The following CEP170 variants were observed in gnomAD, a reference collection of about 807,000 sequenced individuals.
CEP170 encodes the protein centrosomal protein 170, also known as centrosomal protein of 170 kDa.
CEP170 carries 21 observed loss-of-function variants against 151.9 expected under a neutral mutation model. The observed-to-expected ratio is 0.14, with a 90% CI of 0.10 to 0.20. The LOEUF (loss-of-function observed/expected upper bound fraction) is 0.20, where lower values mean the gene tolerates loss of function less well. Among genes scored for constraint, CEP170 ranks in the 10% least tolerant of loss-of-function variants. The pLI is 1.00. For missense variants in CEP170, 964 were observed against 1,892.9 expected (o/e 0.51, Z 9.11); for synonymous variants, 356 against 648.8 (o/e 0.55, Z 6.86).
chr1:243,213,809 C>T lies in CEP170; in HGVS notation c.196-1845G>A, dbSNP rs548911560. ...CATTCTGAAGCCTCGACCTCCCAGG[C>T]TCAGGTGATTCTCCCACCTCAGCCT... On this transcript the variant is annotated intron_variant, in intron 3 of 19. Coordinates refer to ENST00000366542, the MANE Select transcript of CEP170 (RefSeq NM_014812.3). 1.3e-4 allele frequency among the ~76,000 whole-genome samples: 20 copies of T among 152,288 alleles called. No individual in the cohort carries two copies. In the South Asian group the frequency reaches 4.1e-3, roughly 32 times the overall value.
At chr1:243,166,152 A>G in intron 12 of CEP170, 36 bp from the exon 13 acceptor site, 1 of 1,599,316 alleles carries the variant, frequency 6.3e-7, no homozygotes, top group South Asian at 1.1e-5. Context: ...GAATTGATTA[A>G]GACAAATAAA....
chr1:243,200,497 T>C, intron 6 of CEP170, 21 bp downstream of exon 6: 4 of 1,575,154 alleles, frequency 2.5e-6, no homozygotes, highest in Non-Finnish European at 3.5e-6. Flanking sequence ...AAAGATGGTC[T>C]TTCGAGAGAG....
At chr1:243,173,845 T>C (rs2059038260) in intron 10 of CEP170, among the ~76,000 whole-genome samples, 1 of 152,242 alleles carries the variant, frequency 6.6e-6, no homozygotes, top group African/African-American at 2.4e-5. Flanking sequence ...TCTATTATTT[T>C]TGTGACACTT....
intron 13 of CEP170, among the ~76,000 whole-genome samples, chr1:243,162,567 A>G (rs1311839752): frequency 6.6e-6 from 1 of 152,244 alleles, no homozygotes; most frequent in East Asian, 1.9e-4. Flanking sequence ...GAAGCAGAAA[A>G]TGAAATCTGT....
intron 14 of CEP170, among the ~76,000 whole-genome samples, chr1:243,143,452 T>A (rs936232089): frequency 6.6e-5 from 10 of 152,110 alleles, no homozygotes; most frequent in Non-Finnish European, 1.2e-4. Flanking sequence ...AAGAACTAAA[T>A]AACTGTTACC....
chr1:243,182,703 T>C (rs1468777700), intron 10 of CEP170, among the ~76,000 whole-genome samples: 1 of 152,184 alleles, frequency 6.6e-6, no homozygotes, highest in Non-Finnish European at 1.5e-5. Context: ...TGTGCTCCTG[T>C]GCTTTCGAAT....
At chr1:243,231,946 TTTCTTC>T (rs375351644) in intron 1 of CEP170, among the ~76,000 whole-genome samples, 10 of 151,944 alleles carry the variant, frequency 6.6e-5, no homozygotes, top group Non-Finnish European at 1.2e-4. Context: ...CTCACTGTCT[TTTCTTC>T]TTCTTCTTCT....
chr1:243,212,128 G>C (rs1267226997), intron 3 of CEP170, among the ~76,000 whole-genome samples, 164 bp from the exon 4 acceptor site: 3 of 152,178 alleles, frequency 2.0e-5, no homozygotes, highest in Non-Finnish European at 4.4e-5. Flanking sequence ...GCTGATAAAT[G>C]ATTTTATACT....
chr1:243,203,586 A>G (rs2061202977), intron 4 of CEP170, among the ~76,000 whole-genome samples: 1 of 152,194 alleles, frequency 6.6e-6, no homozygotes, highest in Non-Finnish European at 1.5e-5. Flanking sequence ...TATCTTTCAA[A>G]AATCATGTCA....
chr1:243,148,326 T>C (rs2056732169), intron 14 of CEP170, among the ~76,000 whole-genome samples: 1 of 152,002 alleles, frequency 6.6e-6, no homozygotes, highest in Non-Finnish European at 1.5e-5. Context: ...ATCCTAGCAC[T>C]TTGGGAGGCC....
At chr1:243,205,694 TTATA>T (rs1184314642) in intron 4 of CEP170, among the ~76,000 whole-genome samples, 1 of 152,216 alleles carries the variant, frequency 6.6e-6, no homozygotes, top group Non-Finnish European at 1.5e-5. Flanking sequence ...TCAAAAATAC[TTATA>T]TAAATACTAA....
At chr1:243,183,873 A>G (rs920177611) in intron 10 of CEP170, among the ~76,000 whole-genome samples, 4 of 152,174 alleles carry the variant, frequency 2.6e-5, no homozygotes, top group Non-Finnish European at 5.9e-5. Context: ...GATGCTTATG[A>G]TAATTGTAGG....
At chr1:243,153,313 A>C (rs2148435583) in intron 14 of CEP170, among the ~76,000 whole-genome samples, 1 of 152,326 alleles carries the variant, frequency 6.6e-6, no homozygotes, top group Non-Finnish European at 1.5e-5. Flanking sequence ...GATTCAGAAT[A>C]TTACATAAAC....
intron 1 of CEP170, chr1:243,254,525 C>A (rs1256066946): frequency 6.6e-6 from 1 of 151,900 alleles, no homozygotes; most frequent in Non-Finnish European, 1.5e-5. Flanking sequence ...CCTGACCTCG[C>A]CAACCGCCTC....
At chr1:243,202,202 A>C (rs1357415079) in intron 4 of CEP170, among the ~76,000 whole-genome samples, 4 of 152,176 alleles carry the variant, frequency 2.6e-5, no homozygotes. Context: ...TCAGGAATCA[A>C]AAACCCAAAT....
intron 1 of CEP170, among the ~76,000 whole-genome samples, chr1:243,252,371 A>C (rs1261139461): frequency 6.6e-6 from 1 of 152,180 alleles, no homozygotes; most frequent in Non-Finnish European, 1.5e-5. Context: ...ATTTTTCAGG[A>C]ATACAATTTT....
At chr1:243,134,664 ATT>A (rs774058654) in intron 17 of CEP170, among the ~76,000 whole-genome samples, 48 of 135,630 alleles carry the variant, frequency 3.5e-4, no homozygotes, top group Middle Eastern at 3.8e-3. Context: ...TGCCCAGCCA[ATT>A]TTTTTTTTTT....
chr1:243,187,003 T>C (rs1305838817), intron 8 of CEP170, among the ~76,000 whole-genome samples: 1 of 152,216 alleles, frequency 6.6e-6, no homozygotes, highest in African/African-American at 2.4e-5. Context: ...CAAAATTTTT[T>C]CCACATATCT....
intron 14 of CEP170, among the ~76,000 whole-genome samples, chr1:243,151,931 C>A (rs1403927793): frequency 6.6e-6 from 1 of 152,060 alleles, no homozygotes; most frequent in Non-Finnish European, 1.5e-5. Flanking sequence ...ATTTTCCATT[C>A]CAAAAGTCAT....
Sources: allele counts gnomAD v4.1 joint callset (sites outside exome capture counted in the v4.1 genomes callset), GRCh38; gene constraint gnomAD v4.1.1; transcripts MANE v1.5; gene names NCBI Gene and HGNC (gene_info 2026-07-23, HGNC 2026-07-21).